NEGR1: variants seen among roughly 807,000 people sequenced by gnomAD.
The protein encoded by NEGR1 is neuronal growth regulator 1.
In NEGR1, 10 loss-of-function variants were observed where a neutral mutation model predicts 40.9. The observed-to-expected ratio is 0.24, with a 90% CI of 0.15 to 0.42. The LOEUF (loss-of-function observed/expected upper bound fraction) is 0.42, where lower values mean the gene tolerates loss of function less well. Among genes scored for constraint, NEGR1 ranks in the 10% least tolerant of loss-of-function variants. The pLI is 1.00. For synonymous variants in NEGR1, 185 were observed against 166.8 expected (o/e 1.11, Z -0.84); for missense variants, 352 against 438.9 (o/e 0.80, Z 1.77).
chr1:72,080,769 A>G (rs1226443696), intron 1 of NEGR1, among the ~76,000 whole-genome samples: 8 of 152,120 alleles, frequency 5.3e-5, no homozygotes, highest in Non-Finnish European at 8.8e-5. Context: ...CAATGAGATG[A>G]AGGCATGCAA....
intron 4 of NEGR1, among the ~76,000 whole-genome samples, chr1:71,647,026 C>T (rs1044569351): frequency 3.3e-5 from 5 of 151,768 alleles, no homozygotes; most frequent in African/African-American, 9.7e-5. Flanking sequence ...GTTGTTGACT[C>T]GAGCCATGTC....
chr1:72,202,540 A>G (rs1214894164), intron 1 of NEGR1, among the ~76,000 whole-genome samples: 1 of 152,036 alleles, frequency 6.6e-6, no homozygotes, highest in African/African-American at 2.4e-5. Flanking sequence ...AACACAAGTG[A>G]TAAAGTGCAA....
intron 1 of NEGR1, among the ~76,000 whole-genome samples, chr1:72,209,409 T>C (rs201624458): frequency 2.0e-5 from 3 of 151,692 alleles, no homozygotes; most frequent in Non-Finnish European, 4.4e-5. Flanking sequence ...ATGATTCTAA[T>C]TGGTCTCTTG....
intron 1 of NEGR1, among the ~76,000 whole-genome samples, chr1:72,247,010 C>T (rs1557596493): frequency 1.3e-5 from 2 of 152,202 alleles, no homozygotes; most frequent in Non-Finnish European, 1.5e-5. Flanking sequence ...CTTCTGTGAG[C>T]CGTGGATAGA....
At chr1:71,632,459 AAT>A (rs895234291) in intron 4 of NEGR1, among the ~76,000 whole-genome samples, 12 of 151,220 alleles carry the variant, frequency 7.9e-5, no homozygotes, top group Non-Finnish European at 1.5e-4. Flanking sequence ...ATGATATTTT[AAT>A]ATGATACAAA....
chr1:71,951,551 T>C (rs569745978), intron 1 of NEGR1, among the ~76,000 whole-genome samples: 2 of 152,110 alleles, frequency 1.3e-5, no homozygotes, highest in Admixed American at 6.6e-5. Flanking sequence ...ACAATTTCTT[T>C]TTGAGTTCTG....
intron 1 of NEGR1, among the ~76,000 whole-genome samples, chr1:72,137,139 C>G (rs574121752): frequency 6.6e-6 from 1 of 152,272 alleles, no homozygotes; most frequent in East Asian, 1.9e-4. Flanking sequence ...CACTTTTACA[C>G]TCATTATGGG....
At chr1:71,951,469 A>G (rs1283792672) in intron 1 of NEGR1, among the ~76,000 whole-genome samples, 1 of 152,024 alleles carries the variant, frequency 6.6e-6, no homozygotes, top group Non-Finnish European at 1.5e-5. Context: ...AGGAAATAAC[A>G]ATACTTCAAA....
At chr1:72,088,832 A>G (rs1000780003) in intron 1 of NEGR1, among the ~76,000 whole-genome samples, 19 of 111,268 alleles carry the variant, frequency 1.7e-4, no homozygotes, top group Admixed American at 1.3e-4. Context: ...TTGAGACGGA[A>G]TGGACTCTCA....
chr1:72,148,385 G>T (rs1650991137), intron 1 of NEGR1, among the ~76,000 whole-genome samples: 1 of 151,992 alleles, frequency 6.6e-6, no homozygotes, highest in Admixed American at 6.6e-5. Flanking sequence ...GAGTGGCTGG[G>T]ACCTAGGGGT....
chr1:71,881,907 G>A (rs1660594261), intron 2 of NEGR1, among the ~76,000 whole-genome samples: 1 of 152,042 alleles, frequency 6.6e-6, no homozygotes, highest in Admixed American at 6.6e-5. Context: ...CCAGTTCTTA[G>A]AATGGTTGAT....
intron 4 of NEGR1, among the ~76,000 whole-genome samples, chr1:71,623,842 C>T (rs1650684752): frequency 6.6e-6 from 1 of 151,774 alleles, no homozygotes. Flanking sequence ...GATTAAACAA[C>T]ATGGTATGAG....
At chr1:71,707,820 G>T (rs1244610082) in intron 3 of NEGR1, among the ~76,000 whole-genome samples, 1 of 152,146 alleles carries the variant, frequency 6.6e-6, no homozygotes. Context: ...ATGATTGTAT[G>T]TTTGTGAGAA....
intron 6 of NEGR1, among the ~76,000 whole-genome samples, chr1:71,509,860 G>A (rs1343348368): frequency 1.3e-5 from 2 of 152,202 alleles, no homozygotes; most frequent in Non-Finnish European, 2.9e-5. Flanking sequence ...CCTCAAAGGG[G>A]TGGCTAGCCA....
At chr1:71,441,315 T>C (rs1646545842) in intron 6 of NEGR1, among the ~76,000 whole-genome samples, 1 of 152,342 alleles carries the variant, frequency 6.6e-6, no homozygotes, top group South Asian at 2.1e-4. Context: ...CTTTTAGCTT[T>C]CCTTCTTCCA....
chr1:72,086,565 T>C (rs965647544), intron 1 of NEGR1, among the ~76,000 whole-genome samples: 1 of 152,238 alleles, frequency 6.6e-6, no homozygotes, highest in Non-Finnish European at 1.5e-5. Context: ...TGAACTCAGA[T>C]AACCTGTTAG....
chr1:71,521,156 A>G (rs182573525), intron 6 of NEGR1, among the ~76,000 whole-genome samples: 9 of 152,120 alleles, frequency 5.9e-5, no homozygotes, highest in Admixed American at 5.2e-4. Context: ...TTCTCATTCT[A>G]AAGTCCTAGA....
chr1:72,269,285 T>C (rs970740766), intron 1 of NEGR1, among the ~76,000 whole-genome samples: 1 of 151,640 alleles, frequency 6.6e-6, no homozygotes, highest in Non-Finnish European at 1.5e-5. Context: ...TGGGAAATAA[T>C]GGTGCTTAAA....
chr1:71,697,610 A>G (rs1653521115), intron 4 of NEGR1, among the ~76,000 whole-genome samples: 1 of 151,890 alleles, frequency 6.6e-6, no homozygotes. Context: ...CTTTGAGTAC[A>G]GATGAGTATA....
Sources: gnomAD v4.1 joint callset for allele counts (sites outside exome capture counted in the v4.1 genomes callset) on GRCh38, gnomAD v4.1.1 for gene constraint, MANE v1.5 for transcripts, NCBI Gene and HGNC (gene_info 2026-07-23, HGNC 2026-07-21) for gene names.